HYCC1: variants seen among roughly 807,000 people sequenced by gnomAD.
HYCC1 encodes hyccin.
the HYCC1 span, chr7:22,945,480 C>T: frequency 3.7e-6 from 3 of 818,004 alleles, no homozygotes; most frequent in African/African-American, 1.7e-5. Flanking sequence ...GAATTTAAGA[C>T]ATCAGGGCTC....
the HYCC1 span, among the ~76,000 whole-genome samples, chr7:22,968,751 G>A: frequency 8.5e-5 from 13 of 152,232 alleles, no homozygotes; most frequent in South Asian, 2.7e-3. Context: ...CACTTTGGGA[G>A]GCCAAGGCAG....
At chr7:22,909,974 T>G in the HYCC1 span, among the ~76,000 whole-genome samples, 1 of 152,184 alleles carries the variant, frequency 6.6e-6, no homozygotes, top group African/African-American at 2.4e-5. Context: ...TTAGTGCATG[T>G]GTATGAACTG....
At chr7:22,950,566 A>G in the HYCC1 span, among the ~76,000 whole-genome samples, 14 of 152,036 alleles carry the variant, frequency 9.2e-5, no homozygotes, top group African/African-American at 3.1e-4. Context: ...TTGACTGGAT[A>G]AATGAAATAC....
chr7:23,009,184 A>C, the HYCC1 span, among the ~76,000 whole-genome samples: 1 of 152,268 alleles, frequency 6.6e-6, no homozygotes, highest in Admixed American at 6.5e-5. Context: ...TATTTCATAA[A>C]GGAAATAAGT....
the HYCC1 span, among the ~76,000 whole-genome samples, chr7:22,910,217 TA>T: frequency 2.6e-5 from 4 of 152,204 alleles, no homozygotes; most frequent in Non-Finnish European, 2.9e-5. Context: ...ATGCAGGTCA[TA>T]GGGGCAGATC....
chr7:23,007,734 T>C, the HYCC1 span, among the ~76,000 whole-genome samples: 1 of 152,142 alleles, frequency 6.6e-6, no homozygotes, highest in Non-Finnish European at 1.5e-5. Flanking sequence ...TTTAAAGAGA[T>C]ATGCTATTAT....
chr7:23,000,963 T>C, the HYCC1 span, among the ~76,000 whole-genome samples: 3 of 152,096 alleles, frequency 2.0e-5, no homozygotes, highest in African/African-American at 7.2e-5. Flanking sequence ...GCCTTTAATA[T>C]GCTAAATCTG....
chr7:22,899,971 G>A, the HYCC1 span, among the ~76,000 whole-genome samples: 1 of 151,894 alleles, frequency 6.6e-6, no homozygotes, highest in Non-Finnish European at 1.5e-5. Flanking sequence ...CATTTTTGTA[G>A]TCAGAAAATT....
the HYCC1 span, among the ~76,000 whole-genome samples, chr7:23,010,159 T>C: frequency 2.6e-5 from 4 of 152,206 alleles, no homozygotes; most frequent in African/African-American, 9.6e-5. Context: ...ATGCCAACTT[T>C]GATGATGATA....
chr7:22,964,361 C>T, the HYCC1 span: 1 of 995,194 alleles, frequency 1.0e-6, no homozygotes, highest in Non-Finnish European at 1.6e-6. Context: ...GATGAACAGA[C>T]TATAATTTTC....
the HYCC1 span, chr7:22,946,006 C>A: frequency 1.2e-6 from 2 of 1,613,720 alleles, no homozygotes; most frequent in Non-Finnish European, 1.7e-6. Flanking sequence ...TTCCTCCTGA[C>A]CGTCTGTGGT....
chr7:22,971,669 C>T, the HYCC1 span, among the ~76,000 whole-genome samples: 1 of 128,186 alleles, frequency 7.8e-6, no homozygotes, highest in Non-Finnish European at 1.7e-5. Flanking sequence ...GAGCAAGACC[C>T]CATCTCACAA....
At chr7:22,946,408 C>G in the HYCC1 span, among the ~76,000 whole-genome samples, 1 of 151,822 alleles carries the variant, frequency 6.6e-6, no homozygotes, top group Admixed American at 6.6e-5. Flanking sequence ...AAACCATACC[C>G]CATTAAGTTT....
the HYCC1 span, among the ~76,000 whole-genome samples, chr7:22,973,640 C>T: frequency 2.6e-5 from 4 of 152,062 alleles, no homozygotes; most frequent in Admixed American, 6.5e-5. Context: ...TCTCTTGTGG[C>T]ATAAATTGAT....
chr7:22,950,592 A>G, the HYCC1 span, among the ~76,000 whole-genome samples: 2 of 152,074 alleles, frequency 1.3e-5, no homozygotes, highest in Admixed American at 6.6e-5. Flanking sequence ...GCTTATGCTA[A>G]TAAGAATTTT....
At chr7:22,946,270 TA>T in the HYCC1 span, 1 of 857,206 alleles carries the variant, frequency 1.2e-6, no homozygotes. Context: ...AGCTTTAGCA[TA>T]ATTTATAAAG....
chr7:22,982,633 T>C, the HYCC1 span, among the ~76,000 whole-genome samples: 2 of 152,152 alleles, frequency 1.3e-5, no homozygotes, highest in East Asian at 1.9e-4. Flanking sequence ...CCATACCTCT[T>C]TCCACTCCTC....
At chr7:22,914,193 T>A in the HYCC1 span, among the ~76,000 whole-genome samples, 115 of 152,320 alleles carry the variant, frequency 7.5e-4, no homozygotes, top group African/African-American at 2.6e-3. Flanking sequence ...CACACTCCAT[T>A]GGTGTCTGAT....
chr7:22,899,543 A>T, the HYCC1 span, among the ~76,000 whole-genome samples: 1 of 152,242 alleles, frequency 6.6e-6, no homozygotes, highest in Non-Finnish European at 1.5e-5. Flanking sequence ...TTTATAATTC[A>T]ATCATCAGTA....
Sources: allele counts gnomAD v4.1 joint callset (sites outside exome capture counted in the v4.1 genomes callset), GRCh38; gene constraint gnomAD v4.1.1; transcripts MANE v1.5; gene names NCBI Gene and HGNC (gene_info 2026-07-23, HGNC 2026-07-21).